SLC1A7: variants seen among roughly 807,000 people sequenced by gnomAD.
SLC1A7 encodes excitatory amino acid transporter 5.
SLC1A7 carries 40 observed loss-of-function variants against 47.7 expected under a neutral mutation model. The ratio of observed to expected loss-of-function variants is 0.84; its 90% CI spans 0.65 to 1.09. The LOEUF is 1.09. Among genes scored for constraint, SLC1A7 ranks in the 50% least tolerant of loss-of-function variants. The pLI, the probability that SLC1A7 is intolerant of heterozygous loss-of-function variation, is 0.00. For synonymous variants in SLC1A7, 323 were observed against 325.6 expected, an observed-to-expected ratio of 0.99 and a Z score of 0.09; for missense variants, 746 against 769.5, an observed-to-expected ratio of 0.97 and a Z score of 0.36.
At chr1:53,139,561 CA>C (rs1258198526) in intron 1 of SLC1A7, among the ~76,000 whole-genome samples, 1 of 152,216 alleles carries the variant, frequency 6.6e-6, no homozygotes, top group African/African-American at 2.4e-5. Flanking sequence ...GCTCTGGTTA[CA>C]AAACTCCAAA....
intron 3 of SLC1A7, chr1:53,108,584 C>T: frequency 1.4e-6 from 1 of 718,040 alleles, no homozygotes; most frequent in Non-Finnish European, 2.6e-6. Flanking sequence ...TAAGGAGGTG[C>T]CCATTCAGCC....
rs200459283 is a variant in SLC1A7, at chr1:53,114,984, G to A, written c.216-11C>T. 3.6e-3 allele frequency: 5,743 copies of A among 1,609,568 alleles called. 73 individuals carry two copies. Among genetic ancestry groups the A allele is most frequent in the South Asian group, 0.027 (2,410 of 90,720 alleles). ...AGTCCGGACATCAAGCTGGGAGGGCGAGGGGGTCAGGGGCTGTGGTGGGGA... is the reference window on the plus strand; with the variant it reads ...AGTCCGGACATCAAGCTGGGAGGGCAAGGGGGTCAGGGGCTGTGGTGGGGA... On this transcript the variant is annotated splice_polypyrimidine_tract_variant and intron_variant, in intron 2 of 10. Transcript: ENST00000371494.
chr1:53,090,301 T>C, intron 8 of SLC1A7: 2 of 538,598 alleles, frequency 3.7e-6, no homozygotes. Context: ...CAGACCTGTG[T>C]GCTTGGCTGG....
In SLC1A7 at chr1:53,114,964, G is replaced by A. The variant is rs754019119; in HGVS notation, c.225C>T (p.Ser75=). The change falls in exon 3 of 11, where the codon TCC becomes TCT. Residue 75 remains serine, a synonymous_variant. Coordinates refer to ENST00000371494, the MANE Select transcript of SLC1A7 (RefSeq NM_006671.6). Reference sequence around the variant, plus strand: ...TCTTGGCATCCAGGGAGGCAAGTCCGGACATCAAGCTGGGAGGGCGAGGGG... The same window carrying A: ...TCTTGGCATCCAGGGAGGCAAGTCCAGACATCAAGCTGGGAGGGCGAGGGG... ...ILPLVVSSLM[S]GLASLDAKTS... is the part of the protein sequence containing the mutation. The A allele has an allele frequency of 8.7e-6, 14 of 1,613,654 alleles. No individual in the cohort carries two copies. Among genetic ancestry groups the A allele is most frequent in the South Asian group, 3.3e-5 (3 of 91,022 alleles).
chr1:53,117,658 G>C (rs546835779), intron 2 of SLC1A7, among the ~76,000 whole-genome samples: 1 of 152,344 alleles, frequency 6.6e-6, no homozygotes, highest in African/African-American at 2.4e-5. Flanking sequence ...TGCAGTCTAG[G>C]CACATAGATG....
chr1:53,113,900 G>T (rs374256781), intron 3 of SLC1A7, among the ~76,000 whole-genome samples: 1 of 152,062 alleles, frequency 6.6e-6, no homozygotes, highest in South Asian at 2.1e-4. Flanking sequence ...CAGGACCTTC[G>T]CACAGCTATC....
intron 2 of SLC1A7, among the ~76,000 whole-genome samples, chr1:53,122,051 C>G (rs2790429): frequency 0.99 from 149,789 of 151,986 alleles, 73,852 homozygotes; most frequent in Middle Eastern, 1. Context: ...TGGTCCGGAG[C>G]GGAGCAGACC....
At position 53,093,527 on chromosome 1, in the gene SLC1A7, G is replaced by T. The variant is rs756327755; in HGVS notation, c.731C>A (p.Ala244Asp). 2 of 1,608,948 alleles carry T rather than the reference G, an allele frequency of 1.2e-6. No individual in the cohort carries two copies. The highest frequency in any genetic ancestry group is 1.7e-6 in the Non-Finnish European group (2 of 1,179,712). ...GCACTGGCAGAAGCTGACCAGGGGG[G>T]CCCCGCTGTCACCCATGCGGCCCAG... ...IMLGRMGDSG[A>D]PLVSFCQCLN... Residue 244 changes from alanine (A) to aspartate (D), a missense_variant, in exon 6 of 11, where the codon GCC becomes GAC. Physicochemically the swap from Ala to Asp is moderately radical, Grantham distance 126 (BLOSUM62 -2). Coordinates refer to ENST00000371494, the MANE Select transcript of SLC1A7 (RefSeq NM_006671.6).
In SLC1A7 at chr1:53,090,566, C is replaced by T. The variant is rs777546217; in HGVS notation, c.1226+46G>A. The T allele has an allele frequency of 2.5e-5, 38 of 1,499,368 alleles. No individual in the cohort carries two copies. The South Asian group carries it at 4.3e-4, about 17-fold the overall frequency. The allele number at this position is 1,499,368 out of a possible 1,614,324, so 92.9% of individuals were successfully genotyped here. A position where few individuals can be genotyped will look rare whatever the true frequency, so the allele number is the denominator to read the frequency against. On this transcript the variant is annotated intron_variant, in intron 8 of 10. Coordinates refer to ENST00000371494, the MANE Select transcript of SLC1A7 (RefSeq NM_006671.6). ...TCTGGGAGCCTGGGAATCCCCAAGGCCCCCAGCCCCCGCCCCATCCACCCA... is the reference window on the plus strand; with the variant it reads ...TCTGGGAGCCTGGGAATCCCCAAGGTCCCCAGCCCCCGCCCCATCCACCCA...
At chr1:53,121,231 G>T (rs920458656) in intron 2 of SLC1A7, among the ~76,000 whole-genome samples, 1 of 152,242 alleles carries the variant, frequency 6.6e-6, no homozygotes, top group Non-Finnish European at 1.5e-5. Flanking sequence ...TGATGTGTGT[G>T]ATGCTGAACC....
intron 2 of SLC1A7, among the ~76,000 whole-genome samples, chr1:53,126,416 C>T (rs1050165683): frequency 3.3e-5 from 5 of 150,626 alleles, no homozygotes; most frequent in Admixed American, 1.3e-4. Context: ...CACTATAAGG[C>T]GGGGGTGGTG....
At chr1:53,119,663 T>G (rs191087738) in intron 2 of SLC1A7, among the ~76,000 whole-genome samples, 4 of 152,248 alleles carry the variant, frequency 2.6e-5, no homozygotes, top group Admixed American at 2.6e-4. Flanking sequence ...ACTATGATTT[T>G]AATGTGATCC....
intron 7 of SLC1A7, among the ~76,000 whole-genome samples, chr1:53,091,264 C>T (rs1203758079): frequency 6.6e-6 from 1 of 152,250 alleles, no homozygotes; most frequent in Non-Finnish European, 1.5e-5. Flanking sequence ...CCATTGTACC[C>T]ACTCAGTCAA....
rs1644378394 is a variant in SLC1A7, at chr1:53,088,031, C to A, written c.1661G>T (p.Ser554Ile). 5.2e-6 allele frequency: 8 copies of A among 1,524,562 alleles called. No individual in the cohort carries two copies. In the East Asian group the frequency reaches 1.9e-4, roughly 36 times the overall value. 94.4% of individuals were successfully genotyped at this position (1,524,562 alleles called of 1,614,324 possible). A position where few individuals can be genotyped will look rare whatever the true frequency, so the allele number is the denominator to read the frequency against. ...ASLNHCTIQI[S>I]ELETNV ...GGCTCAGACATTGGTCTCCAGCTCA[C>A]TGATCTGGATGGTGCAGTGGTTCAG... The change falls in exon 11 of 11, where the codon AGT becomes ATT. Residue 554 changes from serine (S) to isoleucine (I), a missense_variant. Ser to Ile is a moderately radical substitution (Grantham distance 142, BLOSUM62 -2). Coordinates refer to ENST00000371494, the MANE Select transcript of SLC1A7 (RefSeq NM_006671.6).
intron 2 of SLC1A7, among the ~76,000 whole-genome samples, chr1:53,125,251 G>A (rs943104149): frequency 2.6e-5 from 4 of 152,152 alleles, no homozygotes; most frequent in South Asian, 2.1e-4. Context: ...TGTCCAAGGC[G>A]TCTCTGTTCC....
intron 4 of SLC1A7, among the ~76,000 whole-genome samples, chr1:53,104,755 C>T (rs1027085649): frequency 2.6e-5 from 4 of 152,164 alleles, no homozygotes; most frequent in Admixed American, 6.5e-5. Context: ...TCCCCAGGCT[C>T]AACACAGGGC....
chr1:53,110,199 G>T (rs1051688553), intron 3 of SLC1A7, among the ~76,000 whole-genome samples: 2 of 152,170 alleles, frequency 1.3e-5, no homozygotes, highest in African/African-American at 4.8e-5. Flanking sequence ...GAGCTAGACG[G>T]GATCTTGAAA....
chr1:53,137,339 C>T (rs963825901), intron 1 of SLC1A7, among the ~76,000 whole-genome samples: 9 of 149,662 alleles, frequency 6.0e-5, no homozygotes, highest in Admixed American at 5.3e-4. Context: ...CCTCACCTCT[C>T]TCTATCCCTA....
In SLC1A7 at chr1:53,142,598, C is replaced by G; in HGVS notation, c.-149G>C. Reference sequence around the variant, plus strand: ...ACCAGTCGCCAGCCCCACGGCCATGCCCGTGTGGCCGCCTTAGAGGGAAGC... The same window carrying G: ...ACCAGTCGCCAGCCCCACGGCCATGGCCGTGTGGCCGCCTTAGAGGGAAGC... On this transcript the variant is annotated 5_prime_UTR_variant, in exon 1 of 11. Transcript: ENST00000371494. 2.5e-6 allele frequency: 2 copies of G among 793,046 alleles called. No individual in the cohort carries two copies. The highest frequency in any genetic ancestry group is 3.8e-6 in the Non-Finnish European group (2 of 519,924). 49.1% of individuals were successfully genotyped at this position (793,046 alleles called of 1,614,324 possible).
Sources: gnomAD v4.1 joint callset for allele counts (sites outside exome capture counted in the v4.1 genomes callset) on GRCh38, gnomAD v4.1.1 for gene constraint, MANE v1.5 for transcripts, NCBI Gene and HGNC (gene_info 2026-07-23, HGNC 2026-07-21) for gene names.